ENO4: variants seen among roughly 807,000 people sequenced by gnomAD.
The protein encoded by ENO4 is enolase 4.
Under a neutral mutation model 63.2 loss-of-function variants are expected in ENO4, and 53 were observed. That is an observed-to-expected ratio of 0.84 (90% CI 0.67 to 1.05). ENO4 has a LOEUF of 1.05. ENO4 is among the 50% of genes least tolerant of loss of function. The probability of loss-of-function intolerance (pLI) is 0.00; values close to 1 mark genes in which losing one functional copy is unlikely to be tolerated. For synonymous variants in ENO4, 266 were observed against 283.8 expected, an observed-to-expected ratio of 0.94 and a Z score of 0.63; for missense variants, 719 against 772.0, an observed-to-expected ratio of 0.93 and a Z score of 0.81.
At chr10:116,903,374 A>G (rs1412613464) in intron 10 of ENO4, among the ~76,000 whole-genome samples, 1 of 152,066 alleles carries the variant, frequency 6.6e-6, no homozygotes, top group Non-Finnish European at 1.5e-5. Flanking sequence ...CTCTACTAGA[A>G]ATCAGCCAGG....
downstream of ENO4, chr10:116,886,286 A>T: frequency 6.5e-7 from 1 of 1,549,990 alleles, no homozygotes; most frequent in Non-Finnish European, 8.7e-7. Context: ...ATATAACAAC[A>T]CTAATCATGT....
At chr10:116,896,409 T>C (rs3740581) in intron 10 of ENO4, among the ~76,000 whole-genome samples, 1 of 152,312 alleles carries the variant, frequency 6.6e-6, no homozygotes, top group East Asian at 1.9e-4. Flanking sequence ...CTAGTCAACC[T>C]AGCTGGGGTG....
At chr10:116,903,529 CA>C (rs546663085) in intron 10 of ENO4, among the ~76,000 whole-genome samples, 41 of 141,436 alleles carry the variant, frequency 2.9e-4, no homozygotes, top group East Asian at 1.9e-3. Context: ...ATCTCAGAGA[CA>C]AAAAAAAAAG....
At chr10:116,906,652 C>G (rs776393217) in intron 10 of ENO4, 1 of 1,613,366 alleles carries the variant, frequency 6.2e-7, no homozygotes, top group Non-Finnish European at 8.5e-7. Context: ...CTGCTGTCAC[C>G]TTTCTGCGAC....
intron 1 of ENO4, among the ~76,000 whole-genome samples, chr10:116,853,240 A>G (rs1284333246): frequency 7.0e-6 from 1 of 143,460 alleles, no homozygotes; most frequent in Non-Finnish European, 1.5e-5. Flanking sequence ...GCTTGCAGCG[A>G]GCCAAGATTG....
chr10:116,903,439 C>T (rs1449127921), intron 10 of ENO4, among the ~76,000 whole-genome samples: 1 of 151,948 alleles, frequency 6.6e-6, no homozygotes, highest in East Asian at 1.9e-4. Flanking sequence ...GCAAGAGAAT[C>T]GCTTGAACTC....
intron 1 of ENO4, among the ~76,000 whole-genome samples, chr10:116,855,028 T>A (rs960833853): frequency 6.0e-5 from 9 of 149,418 alleles, no homozygotes; most frequent in African/African-American, 2.2e-4. Context: ...TAAGAACGCC[T>A]GCTAGCCTGT....
intron 10 of ENO4, among the ~76,000 whole-genome samples, chr10:116,875,603 A>G (rs1846812005): frequency 6.8e-6 from 1 of 146,700 alleles, no homozygotes. Flanking sequence ...ATGTATGTGT[A>G]TAATTTTAAA....
chr10:116,878,524 A>G (rs1846899952), intron 11 of ENO4, among the ~76,000 whole-genome samples: 2 of 152,166 alleles, frequency 1.3e-5, no homozygotes, highest in Admixed American at 1.3e-4. Context: ...ATAAAATTCT[A>G]CACAATGAAA....
chr10:116,851,111 A>G (rs1262627796), intron 1 of ENO4, among the ~76,000 whole-genome samples: 1 of 152,220 alleles, frequency 6.6e-6, no homozygotes, highest in Non-Finnish European at 1.5e-5. Context: ...GACTAAAAAC[A>G]TGGACTCTTG....
chr10:116,849,566 C>G lies in ENO4; in HGVS notation c.-1C>G. 6.5e-7 allele frequency: 1 copy of G among 1,538,514 alleles called. No individual in the cohort carries two copies. The highest frequency in any genetic ancestry group is 8.8e-7 in the Non-Finnish European group (1 of 1,141,338). On this transcript the variant is annotated 5_prime_UTR_variant, in exon 1 of 14. Coordinates refer to ENST00000341276, the MANE Select transcript of ENO4 (RefSeq NM_001242699.2). Reference sequence around the variant, plus strand: ...CCCGCTGTAGCCTTAAATCTCCTACCATGGAGGAAGAAGGCGGCGGCCGCA... The same window carrying G: ...CCCGCTGTAGCCTTAAATCTCCTACGATGGAGGAAGAAGGCGGCGGCCGCA...
intron 4 of ENO4, among the ~76,000 whole-genome samples, chr10:116,860,018 G>A (rs1637570): frequency 0.58 from 88,451 of 152,178 alleles, 29,052 homozygotes; most frequent in Non-Finnish European, 0.73. Flanking sequence ...ATGGATGTTC[G>A]TTTGATGGTT....
intron 7 of ENO4, among the ~76,000 whole-genome samples, chr10:116,865,183 CTTTTA>C (rs911424074): frequency 6.6e-5 from 10 of 151,916 alleles, no homozygotes; most frequent in East Asian, 1.9e-4. Flanking sequence ...GGGATTTACT[CTTTTA>C]TTTTATTAAT....
intron 7 of ENO4, among the ~76,000 whole-genome samples, chr10:116,865,160 C>T (rs1350104957): frequency 6.6e-6 from 1 of 152,218 alleles, no homozygotes; most frequent in East Asian, 1.9e-4. Flanking sequence ...TCTAGGAATT[C>T]TTTACATAAT....
rs866526872 is a variant in ENO4, at chr10:116,879,906, G to A, written c.1643G>A (p.Gly548Asp). ...GGTGTCCGGTTCATCAAGTTGGGGGGTCTTTCCCGTGGTGAACGAGTGACT... is the reference window on the plus strand; with the variant it reads ...GGTGTCCGGTTCATCAAGTTGGGGGATCTTTCCCGTGGTGAACGAGTGACT... ...GLGVRFIKLG[G>D]LSRGERVTKY... is the part of the protein sequence containing the mutation. The change falls in exon 13 of 14, where the codon GGT becomes GAT. Residue 548 changes from glycine to aspartate, a missense_variant. Physicochemically the swap from Gly to Asp is moderately conservative, Grantham distance 94 (BLOSUM62 -1). Coordinates refer to ENST00000341276, the MANE Select transcript of ENO4 (RefSeq NM_001242699.2). 45 of 1,550,394 alleles carry A rather than the reference G, an allele frequency of 2.9e-5. No individual in the cohort carries two copies. The highest frequency in any genetic ancestry group is 3.3e-4 in the Middle Eastern group (2 of 6,014).
intron 10 of ENO4, among the ~76,000 whole-genome samples, chr10:116,875,223 T>C (rs531276145): frequency 2.0e-5 from 3 of 152,052 alleles, no homozygotes; most frequent in Non-Finnish European, 2.9e-5. Flanking sequence ...TGATGTGGAG[T>C]CCCAGGGTCT....
intron 10 of ENO4, among the ~76,000 whole-genome samples, chr10:116,898,125 C>T (rs1847586790): frequency 6.6e-6 from 1 of 151,982 alleles, no homozygotes; most frequent in Non-Finnish European, 1.5e-5. Flanking sequence ...GTCAGGAGTT[C>T]AAGACCAGCC....
At chr10:116,900,615 C>A in intron 10 of ENO4, 1 of 1,526,584 alleles carries the variant, frequency 6.6e-7, no homozygotes, top group South Asian at 1.2e-5. Context: ...TTGTCTCAGC[C>A]AAATTGCTTT....
chr10:116,882,772 C>G (rs1304913790), downstream of ENO4: 2 of 152,114 alleles, frequency 1.3e-5, no homozygotes, highest in Non-Finnish European at 2.9e-5. Flanking sequence ...TTGAAACTGG[C>G]TCAGGCGCAG....
Sources: gnomAD v4.1 joint callset for allele counts (sites outside exome capture counted in the v4.1 genomes callset) on GRCh38, gnomAD v4.1.1 for gene constraint, MANE v1.5 for transcripts, NCBI Gene and HGNC (gene_info 2026-07-23, HGNC 2026-07-21) for gene names.